Variants in FRMD4B observed in about 807,000 individuals in gnomAD.
The protein encoded by FRMD4B is FERM domain-containing protein 4B.
FRMD4B carries 74 observed loss-of-function variants against 141.5 expected under a neutral mutation model. That is an observed-to-expected ratio of 0.52 (90% CI 0.43 to 0.63). FRMD4B has a LOEUF of 0.63. Among genes scored for constraint, FRMD4B ranks in the 30% least tolerant of loss-of-function variants. The pLI, the probability that FRMD4B is intolerant of heterozygous loss-of-function variation, is 0.00. For synonymous variants in FRMD4B, 506 were observed against 467.9 expected (o/e 1.08, Z -1.05); for missense variants, 1,366 against 1,253.4 (o/e 1.09, Z -1.36).
At chr3:69,212,434 A>C (rs1432283204) in intron 11 of FRMD4B, among the ~76,000 whole-genome samples, 3 of 149,894 alleles carry the variant, frequency 2.0e-5, no homozygotes, top group Admixed American at 2.0e-4. Context: ...TGGACTGTGT[A>C]GGGTCTTTTT....
chr3:69,246,500 GT>G (rs2093426719), intron 7 of FRMD4B, among the ~76,000 whole-genome samples: 1 of 152,076 alleles, frequency 6.6e-6, no homozygotes, highest in Non-Finnish European at 1.5e-5. Flanking sequence ...ACAAAGAGGA[GT>G]TTTAGAACAA....
At chr3:69,299,748 C>T (rs1375832465) in intron 4 of FRMD4B, among the ~76,000 whole-genome samples, 2 of 152,040 alleles carry the variant, frequency 1.3e-5, no homozygotes, top group African/African-American at 2.4e-5. Flanking sequence ...AAAATAACAG[C>T]GGTACACATG....
intron 1 of FRMD4B, among the ~76,000 whole-genome samples, chr3:69,463,147 C>T (rs1705730912): frequency 6.6e-6 from 1 of 152,214 alleles, no homozygotes; most frequent in Admixed American, 6.5e-5. Context: ...TCTAGAGCAA[C>T]CATCAGCCCA....
intron 1 of FRMD4B, among the ~76,000 whole-genome samples, chr3:69,531,699 A>T (rs1011686893): frequency 7.2e-5 from 11 of 152,162 alleles, no homozygotes; most frequent in African/African-American, 1.2e-4. Flanking sequence ...TATCAGCATC[A>T]TTTTCATAGC....
chr3:69,517,983 A>G (rs1229733387), intron 1 of FRMD4B, among the ~76,000 whole-genome samples: 2 of 152,184 alleles, frequency 1.3e-5, no homozygotes, highest in East Asian at 1.9e-4. Flanking sequence ...TGCATTTCTA[A>G]CAAGTCCCCA....
chr3:69,540,637 ATATATATAT>A (rs376763023), intron 1 of FRMD4B, among the ~76,000 whole-genome samples: 1 of 51,202 alleles, frequency 2.0e-5, no homozygotes, highest in Admixed American at 2.7e-4. Context: ...AAAAAAAAAA[ATATATATAT>A]ATATATATAT....
At chr3:69,218,465 T>C (rs1575621479) in intron 9 of FRMD4B, 86 bp from the exon 10 acceptor site, 2 of 633,066 alleles carry the variant, frequency 3.2e-6, no homozygotes, top group East Asian at 5.9e-5. Context: ...ACACCACGTT[T>C]CTACTTTCCT....
chr3:69,373,890 A>C (rs1656415309), intron 1 of FRMD4B, among the ~76,000 whole-genome samples: 1 of 152,086 alleles, frequency 6.6e-6, no homozygotes, highest in African/African-American at 2.4e-5. Flanking sequence ...CAATCAATCG[A>C]TTAATAAATG....
At chr3:69,494,246 G>T (rs78487389) in intron 1 of FRMD4B, among the ~76,000 whole-genome samples, 2,786 of 152,302 alleles carry the variant, frequency 0.018, 88 homozygotes, top group East Asian at 0.12. Context: ...ACCACAGGGA[G>T]GTGGTGTATA....
At chr3:69,462,808 G>A (rs887230451) in intron 1 of FRMD4B, among the ~76,000 whole-genome samples, 2 of 152,156 alleles carry the variant, frequency 1.3e-5, no homozygotes, top group Non-Finnish European at 2.9e-5. Context: ...GGCCTCTCAG[G>A]GAAATGACCA....
chr3:69,317,227 C>T (rs1260636772), intron 1 of FRMD4B, among the ~76,000 whole-genome samples: 1 of 152,146 alleles, frequency 6.6e-6, no homozygotes. Flanking sequence ...TCATGACAAA[C>T]TTAGGCATTG....
intron 4 of FRMD4B, among the ~76,000 whole-genome samples, chr3:69,289,894 C>T (rs556844615): frequency 7.9e-5 from 12 of 152,288 alleles, no homozygotes; most frequent in African/African-American, 2.6e-4. Flanking sequence ...TAATTCCTGA[C>T]GAACAACTTT....
chr3:69,423,935 T>A (rs1323181622), intron 2 of FRMD4B, among the ~76,000 whole-genome samples: 1 of 152,172 alleles, frequency 6.6e-6, no homozygotes, highest in African/African-American at 2.4e-5. Context: ...GTTTATAAGC[T>A]ACCCAGCTTA....
intron 5 of FRMD4B, among the ~76,000 whole-genome samples, chr3:69,274,604 T>C (rs1432202461): frequency 3.3e-5 from 5 of 152,154 alleles, no homozygotes; most frequent in Non-Finnish European, 7.3e-5. Flanking sequence ...CTGCAACCTC[T>C]GCTTCCCCAG....
At chr3:69,292,625 A>ATCTC (rs1700907847) in intron 4 of FRMD4B, among the ~76,000 whole-genome samples, 2 of 152,154 alleles carry the variant, frequency 1.3e-5, no homozygotes. Flanking sequence ...CCACAATTCC[A>ATCTC]TCTCTCCCTC....
At chr3:69,242,477 C>T (rs1229164589) in intron 7 of FRMD4B, among the ~76,000 whole-genome samples, 3 of 87,632 alleles carry the variant, frequency 3.4e-5, no homozygotes, top group African/African-American at 8.7e-5. Context: ...GAAATAGCTG[C>T]ATTTTTTTTT....
rs568365220 is a variant in FRMD4B, at chr3:69,377,618, A to C, written c.162+8210T>G. 2.0e-5 allele frequency among the ~76,000 whole-genome samples: 3 copies of C among 152,260 alleles called. No homozygotes were observed. The South Asian group carries it at 6.2e-4, about 32-fold the overall frequency. On this transcript the variant is annotated intron_variant, in intron 1 of 22. Coordinates refer to ENST00000398540, the MANE Select transcript of FRMD4B (RefSeq NM_015123.3). ...TCCCTTAAAGAGAGCTGCCTCCTCC[A>C]AGGTCATCCCATCCCCCTTTTCAAG...
intron 2 of FRMD4B, among the ~76,000 whole-genome samples, chr3:69,398,557 C>T (rs1704508076): frequency 6.6e-6 from 1 of 152,204 alleles, no homozygotes. Context: ...AATGCACATG[C>T]AATCATACAA....
At chr3:69,251,138 G>T (rs1308237317) in intron 5 of FRMD4B, among the ~76,000 whole-genome samples, 1 of 152,128 alleles carries the variant, frequency 6.6e-6, no homozygotes, top group Non-Finnish European at 1.5e-5. Context: ...TAGCTTGTAA[G>T]TTTTAACAAA....
Sources: allele counts gnomAD v4.1 joint callset (sites outside exome capture counted in the v4.1 genomes callset), GRCh38; gene constraint gnomAD v4.1.1; transcripts MANE v1.5; gene names NCBI Gene and HGNC (gene_info 2026-07-23, HGNC 2026-07-21).